Variants in KIAA1958 observed in about 807,000 individuals in gnomAD.
The protein encoded by KIAA1958 is KIAA1958.
In KIAA1958, 14 loss-of-function variants were observed where a neutral mutation model predicts 47.2. The observed-to-expected ratio is 0.30, with a 90% CI of 0.20 to 0.46. KIAA1958 has a LOEUF of 0.46. Among genes scored for constraint, KIAA1958 ranks in the 20% least tolerant of loss-of-function variants. The pLI is 1.00. For missense variants in KIAA1958, 803 were observed against 909.2 expected (o/e 0.88, Z 1.50); for synonymous variants, 354 against 353.3 (o/e 1.00, Z -0.02).
At chr9:112,537,190 C>T (rs892507916) in intron 1 of KIAA1958, among the ~76,000 whole-genome samples, 2 of 152,000 alleles carry the variant, frequency 1.3e-5, no homozygotes, top group Non-Finnish European at 2.9e-5. Context: ...CCTGGAACCT[C>T]TGCCTTCCAG....
intron 2 of KIAA1958, among the ~76,000 whole-genome samples, chr9:112,626,858 G>A (rs1316137644): frequency 6.7e-6 from 1 of 150,082 alleles, no homozygotes; most frequent in African/African-American, 2.4e-5. Context: ...AAATCATTAC[G>A]ATTTCTATGC....
chr9:112,490,012 C>T (rs1205734832), intron 1 of KIAA1958, among the ~76,000 whole-genome samples: 1 of 152,000 alleles, frequency 6.6e-6, no homozygotes, highest in Non-Finnish European at 1.5e-5. Context: ...TTTTTGTAGC[C>T]TGGTGGGGAA....
chr9:112,589,565 A>C (rs1051057482), intron 2 of KIAA1958, among the ~76,000 whole-genome samples: 1 of 152,214 alleles, frequency 6.6e-6, no homozygotes, highest in African/African-American at 2.4e-5. Flanking sequence ...CTGAGCAACA[A>C]GAGTGAAACT....
At chr9:112,509,850 G>A (rs1395401687) in intron 1 of KIAA1958, among the ~76,000 whole-genome samples, 2 of 152,160 alleles carry the variant, frequency 1.3e-5, no homozygotes, top group Non-Finnish European at 2.9e-5. Flanking sequence ...GAAAAGTTAT[G>A]GAGAAGCCAC....
In KIAA1958 at chr9:112,659,280, G is replaced by A; in HGVS notation, c.1362G>A (p.Leu454=). ...TDITKIPAVK[L]NELLENFYVT... is the part of the protein sequence containing the mutation. The stretch of plus-strand genomic sequence containing the variant: ...CATTTGAGATCCCTGCAGTGAAGTT[G>A]AACGAGCTGCTCGAGAACTTTTATG... The change falls in exon 4 of 4, where the codon TTG becomes TTA. Residue 454 remains leucine, a synonymous_variant. Transcript: ENST00000337530. 2.5e-6 allele frequency: 4 copies of A among 1,612,596 alleles called. No homozygotes were observed. Among genetic ancestry groups the A allele is most frequent in the Non-Finnish European group, 3.4e-6 (4 of 1,179,250 alleles).
Position 112,618,056 on chromosome 9 carries a change from A to AG in KIAA1958, c.1172-27592dup. The AG allele has an allele frequency of 6.4e-7, 1 of 1,550,598 alleles. No homozygotes were observed. On this transcript the variant is annotated intron_variant, in intron 2 of 3. Transcript: ENST00000337530. This position sits in a 1 kb window ranked among gnomAD's most constrained non-coding sequence, Gnocchi z 7.1. Reference sequence around the variant, plus strand: ...CCTTGCCTCTTTCTTTGTTGATGCCAGGCAGAAGGATGGGTCCGAATACGA... The same window carrying AG: ...CCTTGCCTCTTTCTTTGTTGATGCCAGGGCAGAAGGATGGGTCCGAATACGA...
At chr9:112,494,151 C>T (rs1317318590) in intron 1 of KIAA1958, among the ~76,000 whole-genome samples, 1 of 152,050 alleles carries the variant, frequency 6.6e-6, no homozygotes, top group African/African-American at 2.4e-5. Context: ...ATCTTTTTGC[C>T]TAGATACCCA....
At chr9:112,604,050 G>C (rs1206020413) in intron 2 of KIAA1958, among the ~76,000 whole-genome samples, 1 of 152,116 alleles carries the variant, frequency 6.6e-6, no homozygotes, top group Non-Finnish European at 1.5e-5. Context: ...AATCACAGAG[G>C]AATGTGATAG....
At chr9:112,547,556 C>A (rs191669078) in intron 1 of KIAA1958, among the ~76,000 whole-genome samples, 1 of 145,698 alleles carries the variant, frequency 6.9e-6, no homozygotes, top group Non-Finnish European at 1.5e-5. Context: ...ACACAATTGG[C>A]CAGCATTAAC....
intron 1 of KIAA1958, among the ~76,000 whole-genome samples, chr9:112,549,533 C>A (rs1835103021): frequency 6.6e-6 from 1 of 152,176 alleles, no homozygotes; most frequent in African/African-American, 2.4e-5. Flanking sequence ...TTTATTGATG[C>A]CTCAGTGTGT....
At chr9:112,637,801 ATGT>A (rs1453355221) in intron 2 of KIAA1958, among the ~76,000 whole-genome samples, 2 of 152,000 alleles carry the variant, frequency 1.3e-5, no homozygotes, top group Non-Finnish European at 2.9e-5. Flanking sequence ...AATCAGTCTG[ATGT>A]TGTGCTGTAT....
intron 2 of KIAA1958, chr9:112,581,886 G>T (rs1001716064): frequency 1.0e-4 from 24 of 231,278 alleles, no homozygotes; most frequent in Admixed American, 9.3e-4. Flanking sequence ...TCACGTCTGA[G>T]ATCAGACCAG....
intron 2 of KIAA1958, among the ~76,000 whole-genome samples, chr9:112,614,081 G>A (rs923448121): frequency 5.9e-5 from 9 of 152,108 alleles, no homozygotes; most frequent in Non-Finnish European, 1.2e-4. Context: ...GCAGCAATGA[G>A]GATAAATTAT....
intron 2 of KIAA1958, among the ~76,000 whole-genome samples, chr9:112,632,568 G>T (rs1371138885): frequency 6.6e-6 from 1 of 152,100 alleles, no homozygotes; most frequent in Admixed American, 6.5e-5. Flanking sequence ...TCTGGCAAAT[G>T]AAATATATCT....
intron 2 of KIAA1958, among the ~76,000 whole-genome samples, chr9:112,606,464 T>C (rs1180354020): frequency 1.3e-5 from 2 of 152,228 alleles, no homozygotes; most frequent in Admixed American, 6.5e-5. Flanking sequence ...AAATGTGTTA[T>C]TAATCACAGC....
intron 1 of KIAA1958, among the ~76,000 whole-genome samples, chr9:112,521,071 A>G (rs1488466607): frequency 6.6e-6 from 1 of 152,092 alleles, no homozygotes; most frequent in Non-Finnish European, 1.5e-5. Flanking sequence ...TAATATTTAA[A>G]CAATATTTTT....
At position 112,630,012 on chromosome 9, in the gene KIAA1958, T is replaced by TGCACTGGCCTCAGGATATACAGTCAATGC. The variant is rs561960015; in HGVS notation, c.1172-15637_1172-15609dup. Among the ~76,000 whole-genome samples, 280 of 152,340 alleles carry TGCACTGGCCTCAGGATATACAGTCAATGC rather than the reference T, an allele frequency of 1.8e-3. 2 individuals are homozygous for TGCACTGGCCTCAGGATATACAGTCAATGC. Among genetic ancestry groups the TGCACTGGCCTCAGGATATACAGTCAATGC allele is most frequent in the African/African-American group, 6.5e-3 (269 of 41,566 alleles). On this transcript the variant is annotated intron_variant, in intron 2 of 3. Transcript: ENST00000337530. Reference sequence around the variant, plus strand: ...AAACATGTTGTTGACCTGGACATTGTGCACTGGCCTCAGGATATACAGTCA... The same window carrying TGCACTGGCCTCAGGATATACAGTCAATGC: ...AAACATGTTGTTGACCTGGACATTGTGCACTGGCCTCAGGATATACAGTCAATGCGCACTGGCCTCAGGATATACAGTCA...
rs79497648 is a variant in KIAA1958, at chr9:112,562,104, G to A, written c.-24-11953G>A. ...GCACTGTGCTGTATTGTATATGTTC[G>A]CTGTCTGGGCCTCACTTTGTGAGTG... On this transcript the variant is annotated intron_variant, in intron 1 of 3. Coordinates refer to ENST00000337530, the MANE Select transcript of KIAA1958 (RefSeq NM_133465.4). 8.3e-4 allele frequency among the ~76,000 whole-genome samples: 126 copies of A among 152,228 alleles called. 2 individuals carry two copies. The East Asian group carries it at 0.02, about 24-fold the overall frequency.
chr9:112,598,269 T>G (rs1254464149), intron 2 of KIAA1958, among the ~76,000 whole-genome samples: 2 of 152,230 alleles, frequency 1.3e-5, no homozygotes, highest in Non-Finnish European at 2.9e-5. Flanking sequence ...TTTGAAAACT[T>G]GCATTGAGGC....
Sources: allele counts gnomAD v4.1 joint callset (sites outside exome capture counted in the v4.1 genomes callset), GRCh38; gene constraint gnomAD v4.1.1; non-coding constraint Gnocchi (gnomAD v3.1); transcripts MANE v1.5; gene names NCBI Gene and HGNC (gene_info 2026-07-23, HGNC 2026-07-21).